The following RECQL5 variants were observed in gnomAD, a reference collection of about 807,000 sequenced individuals.
RECQL5 encodes RecQ like helicase 5.
Under a neutral mutation model 103.4 loss-of-function variants are expected in RECQL5, and 88 were observed. The observed-to-expected ratio is 0.85, with a 90% CI of 0.72 to 1.02. The LOEUF (loss-of-function observed/expected upper bound fraction) is 1.02, where lower values mean the gene tolerates loss of function less well. Among genes scored for constraint, RECQL5 ranks in the 50% least tolerant of loss-of-function variants. RECQL5 has a pLI of 0.00. For synonymous variants in RECQL5, 552 were observed against 507.9 expected, an observed-to-expected ratio of 1.09 and a Z score of -1.17; for missense variants, 1,232 against 1,284.3, an observed-to-expected ratio of 0.96 and a Z score of 0.62.
chr17:75,626,951 G>A lies in RECQL5; in HGVS notation c.*471C>T, dbSNP rs1310493177. Reference sequence around the variant, plus strand: ...CCTGAGCAGGAGCTGAGCAGGAACAGGGCCTGGCTGCCTCTCCTCTGCCAC... The same window carrying A: ...CCTGAGCAGGAGCTGAGCAGGAACAAGGCCTGGCTGCCTCTCCTCTGCCAC... On this transcript the variant is annotated 3_prime_UTR_variant, in exon 20 of 20. Coordinates refer to ENST00000317905, the MANE Select transcript of RECQL5 (RefSeq NM_004259.7). 4 of 357,296 alleles carry A rather than the reference G, an allele frequency of 1.1e-5. No individual in the cohort carries two copies. Among genetic ancestry groups the A allele is most frequent in the African/African-American group, 8.5e-5 (4 of 46,990 alleles). The allele number at this position is 357,296 out of a possible 1,614,324, so 22.1% of individuals were successfully genotyped here.
At chr17:75,634,641 G>A (rs72854940) in intron 8 of RECQL5, among the ~76,000 whole-genome samples, 5,046 of 152,276 alleles carry the variant, frequency 0.033, 110 homozygotes, top group South Asian at 0.066. Context: ...AGCATGCGGC[G>A]CCCCCAGGAT....
chr17:75,657,780 T>C (rs1019559939), intron 7 of RECQL5, among the ~76,000 whole-genome samples: 2 of 146,684 alleles, frequency 1.4e-5, no homozygotes, highest in Non-Finnish European at 3.0e-5. Flanking sequence ...GTGGGCACAG[T>C]GGCTCATGCT....
At chr17:75,658,485 G>C (rs1384182201) in intron 6 of RECQL5, 25 bp from the exon 7 acceptor site, 2 of 1,609,002 alleles carry the variant, frequency 1.2e-6, no homozygotes, top group African/African-American at 2.7e-5. Flanking sequence ...GGGACAAGCA[G>C]CATGAGATGG....
intron 8 of RECQL5, among the ~76,000 whole-genome samples, chr17:75,648,460 A>G (rs1387993174): frequency 6.6e-6 from 1 of 151,110 alleles, no homozygotes; most frequent in Non-Finnish European, 1.5e-5. Flanking sequence ...TGCAAACTCC[A>G]CCTCCCGGGT....
In RECQL5 at chr17:75,628,985, C is replaced by G. The variant is rs755666910; in HGVS notation, c.2438G>C (p.Gly813Ala). 6.4e-7 allele frequency: 1 copy of G among 1,563,340 alleles called. No individual in the cohort carries two copies. The highest frequency in any genetic ancestry group is 2.0e-5 in the Admixed American group (1 of 50,032). ...KYTGEEDGAG[G>A]HSPAPPQTEE... ...AGTCTGGGGAGGGGCAGGCGAATGT[C>G]CCCCGGCTCCATCTTCCTCCCCTGT... The change falls in exon 16 of 20, where the codon GGA becomes GCA. Residue 813 changes from glycine (G) to alanine (A), a missense_variant. Gly to Ala is a moderately conservative substitution (Grantham distance 60). Transcript: ENST00000317905.
At chr17:75,657,385 G>A (rs114995573) in intron 7 of RECQL5, among the ~76,000 whole-genome samples, 2 of 152,026 alleles carry the variant, frequency 1.3e-5, no homozygotes, top group African/African-American at 4.8e-5. Context: ...AACACAGAGA[G>A]ACCCCATCTC....
chr17:75,657,742 T>C (rs1217752843), intron 7 of RECQL5, among the ~76,000 whole-genome samples: 2 of 143,108 alleles, frequency 1.4e-5, no homozygotes, highest in East Asian at 2.0e-4. Context: ...AGAGACCTTG[T>C]CTCTTAAAAA....
At chr17:75,649,030 C>T (rs2059523153) in intron 8 of RECQL5, 1 of 152,100 alleles carries the variant, frequency 6.6e-6, no homozygotes, top group African/African-American at 2.4e-5. Flanking sequence ...GTGTATCCCC[C>T]ATGTCCAATG....
chr17:75,640,829 T>C lies in RECQL5; in HGVS notation c.1230-9161A>G, dbSNP rs1353668559. Reference sequence around the variant, plus strand: ...GTTGCTGCTGATAGCCTGCAGCTGCTGCTGCACTCACTGCTGCTGCCCTGA... The same window carrying C: ...GTTGCTGCTGATAGCCTGCAGCTGCCGCTGCACTCACTGCTGCTGCCCTGA... On this transcript the variant is annotated intron_variant, in intron 8 of 19. Coordinates refer to ENST00000317905, the MANE Select transcript of RECQL5 (RefSeq NM_004259.7). The surrounding 1 kb of genome is among the most constrained non-coding windows in gnomAD (Gnocchi z 4.6). 4 of 1,548,700 alleles carry C rather than the reference T, an allele frequency of 2.6e-6. No individual in the cohort carries two copies. The highest frequency in any genetic ancestry group is 8.7e-7 in the Non-Finnish European group (1 of 1,145,704).
chr17:75,642,131 C>G (rs574509291), intron 8 of RECQL5, among the ~76,000 whole-genome samples: 1 of 152,182 alleles, frequency 6.6e-6, no homozygotes, highest in African/African-American at 2.4e-5. Context: ...TTCCTTACCC[C>G]CTCCTTTCAG....
chr17:75,661,368 CG>C (rs1377121664), intron 5 of RECQL5, among the ~76,000 whole-genome samples: 14 of 152,222 alleles, frequency 9.2e-5, no homozygotes, highest in Non-Finnish European at 5.9e-5. Flanking sequence ...CTTGTAAAAA[CG>C]TATCACCTGC....
intron 8 of RECQL5, chr17:75,635,715 C>A (rs2059308805): frequency 1.1e-6 from 1 of 875,068 alleles, no homozygotes; most frequent in Non-Finnish European, 1.4e-6. Context: ...CGAGATAATG[C>A]CCAACAGGGC....
intron 8 of RECQL5, among the ~76,000 whole-genome samples, chr17:75,632,663 G>A (rs946681409): frequency 6.6e-6 from 1 of 152,170 alleles, no homozygotes; most frequent in Non-Finnish European, 1.5e-5. Flanking sequence ...GCTGGCCCAC[G>A]AGGCTCTGTC....
chr17:75,648,939 C>G (rs1427112723), intron 8 of RECQL5: 1 of 152,162 alleles, frequency 6.6e-6, no homozygotes, highest in Non-Finnish European at 1.5e-5. Context: ...GCGATCCTCC[C>G]ACTTCAGCCT....
intron 7 of RECQL5, among the ~76,000 whole-genome samples, chr17:75,654,253 CT>C (rs1368561265): frequency 2.0e-5 from 3 of 152,168 alleles, no homozygotes; most frequent in Non-Finnish European, 4.4e-5. Flanking sequence ...TAATTCACCC[CT>C]AACTGTCCTA....
intron 8 of RECQL5, chr17:75,649,809 G>C: frequency 1.0e-6 from 1 of 985,438 alleles, no homozygotes; most frequent in East Asian, 1.1e-4. Context: ...AAGAGGCAGC[G>C]CAACACCGTC....
intron 18 of RECQL5, 42 bp downstream of exon 18, chr17:75,628,176 C>A (rs746334292): frequency 6.0e-5 from 88 of 1,456,226 alleles, no homozygotes; most frequent in Middle Eastern, 1.7e-4. Context: ...CACCCACATA[C>A]CCCAGGCATG....
At chr17:75,657,171 C>A (rs2059634535) in intron 7 of RECQL5, among the ~76,000 whole-genome samples, 1 of 152,134 alleles carries the variant, frequency 6.6e-6, no homozygotes, top group South Asian at 2.1e-4. Context: ...GAGTTTGAGA[C>A]CAGCCTGGGT....
Position 75,640,339 on chromosome 17 carries a change from G to A in RECQL5, c.1230-8671C>T, listed in dbSNP as rs1220886053. 13 of 1,538,698 alleles carry A rather than the reference G, an allele frequency of 8.4e-6. No homozygotes were observed. The highest frequency in any genetic ancestry group is 1.1e-5 in the Non-Finnish European group (13 of 1,139,418). On this transcript the variant is annotated intron_variant, in intron 8 of 19. Transcript: ENST00000317905. The surrounding 1 kb of genome is among the most constrained non-coding windows in gnomAD (Gnocchi z 4.6). ...TCATCCTTTTCACAGGTTAGTTGGG[G>A]CACTCAGCACCCCATGGCTCTCCCT... is the stretch of plus-strand genomic sequence containing the variant.
Sources: gnomAD v4.1 joint callset for allele counts (sites outside exome capture counted in the v4.1 genomes callset) on GRCh38, gnomAD v4.1.1 for gene constraint, Gnocchi (gnomAD v3.1) non-coding constraint, MANE v1.5 for transcripts, NCBI Gene and HGNC (gene_info 2026-07-23, HGNC 2026-07-21) for gene names.